Variants in PLGRKT observed in about 807,000 individuals in gnomAD.
PLGRKT encodes plasminogen receptor with a C-terminal lysine.
Under a neutral mutation model 18.5 loss-of-function variants are expected in PLGRKT, and 22 were observed. That is an observed-to-expected ratio of 1.19 (90% CI 0.85 to 1.70). The LOEUF is 1.70. Ranked by LOEUF, PLGRKT falls within the 40% of genes most tolerant of loss-of-function variation. The pLI, the probability that PLGRKT is intolerant of heterozygous loss-of-function variation, is 0.00. For synonymous variants in PLGRKT, 72 were observed against 52.8 expected (o/e 1.36, Z -1.58); for missense variants, 235 against 174.4 (o/e 1.35, Z -1.96).
chr9:5,422,100 G>A (rs774299117), intron 3 of PLGRKT, among the ~76,000 whole-genome samples: 12 of 152,104 alleles, frequency 7.9e-5, no homozygotes, highest in Non-Finnish European at 1.8e-4. Context: ...TCCACACAAC[G>A]AATGTCAAAG....
chr9:5,383,494 T>A (rs983192077), intron 3 of PLGRKT, among the ~76,000 whole-genome samples: 2 of 152,194 alleles, frequency 1.3e-5, no homozygotes, highest in Non-Finnish European at 2.9e-5. Context: ...TGCATTATAT[T>A]TATGGTGTAC....
At chr9:5,424,720 C>A (rs867850554) in intron 3 of PLGRKT, among the ~76,000 whole-genome samples, 4 of 115,618 alleles carry the variant, frequency 3.5e-5, no homozygotes, top group Middle Eastern at 0.01. Context: ...GAGGGAGAGA[C>A]AGAGAGAGAG....
At chr9:5,423,681 G>T (rs917675940) in intron 3 of PLGRKT, among the ~76,000 whole-genome samples, 2 of 151,582 alleles carry the variant, frequency 1.3e-5, no homozygotes, top group Admixed American at 1.3e-4. Flanking sequence ...AAGAAATTCA[G>T]ATGGGAAATT....
At chr9:5,371,444 GAAT>G (rs904568031) in intron 3 of PLGRKT, among the ~76,000 whole-genome samples, 15 of 152,150 alleles carry the variant, frequency 9.9e-5, no homozygotes, top group African/African-American at 3.6e-4. Context: ...TCATGACAGC[GAAT>G]AACTCTCACG....
Position 5,435,966 on chromosome 9 carries a change from T to G in PLGRKT, c.-7+603A>C, listed in dbSNP as rs78324236. On this transcript the variant is annotated intron_variant, in intron 2 of 5. Transcript: ENST00000223864. ...GGATACACCTGGAGTTTCAGGGCTCTGTGCCAGAGTCAGCTTCAAAGCTGA... is the reference window on the plus strand; with the variant it reads ...GGATACACCTGGAGTTTCAGGGCTCGGTGCCAGAGTCAGCTTCAAAGCTGA... 3.3e-3 allele frequency among the ~76,000 whole-genome samples: 498 copies of G among 152,374 alleles called. 1 individual carries two copies. Among genetic ancestry groups the G allele is most frequent in the Non-Finnish European group, 4.9e-3 (336 of 68,028 alleles).
chr9:5,396,631 G>A (rs1196593089), intron 3 of PLGRKT, among the ~76,000 whole-genome samples: 1 of 151,962 alleles, frequency 6.6e-6, no homozygotes, highest in Non-Finnish European at 1.5e-5. Flanking sequence ...TTTCACATAT[G>A]AAAAGTTAGT....
intron 3 of PLGRKT, among the ~76,000 whole-genome samples, chr9:5,408,369 G>C (rs770142558): frequency 1.2e-4 from 19 of 152,308 alleles, no homozygotes; most frequent in Non-Finnish European, 2.6e-4. Flanking sequence ...TTAAGCTTTA[G>C]CAAAGAGCCT....
At chr9:5,410,498 CAAAA>C (rs59551404) in intron 3 of PLGRKT, among the ~76,000 whole-genome samples, 2 of 122,012 alleles carry the variant, frequency 1.6e-5, no homozygotes, top group Non-Finnish European at 1.8e-5. Context: ...GACTCTGTCT[CAAAA>C]AAAAAAAAAA....
chr9:5,360,488 C>T (rs1817239512), intron 5 of PLGRKT, among the ~76,000 whole-genome samples: 1 of 152,038 alleles, frequency 6.6e-6, no homozygotes, highest in Admixed American at 6.5e-5. Context: ...GGTGGCCAGC[C>T]TCAGGCCATC....
chr9:5,415,328 T>C (rs1818440123), intron 3 of PLGRKT, among the ~76,000 whole-genome samples: 1 of 152,020 alleles, frequency 6.6e-6, no homozygotes, highest in African/African-American at 2.4e-5. Flanking sequence ...ATATAAATAA[T>C]TGGATAAATA....
Position 5,361,837 on chromosome 9 carries a change from T to C in PLGRKT, c.133A>G (p.Met45Val). ...QSEMRERQMAMQIAWSREFLK... is the reference protein window; with the variant it reads ...QSEMRERQMAVQIAWSREFLK... ...AATTCCCGAGACCACGCAATCTGCA[T>C]GGCCATTTGTCTTTCCCTCATTTCA... Residue 45 changes from methionine to valine, a missense_variant, in exon 4 of 6, where the codon ATG becomes GTG. Met to Val is a conservative substitution (Grantham distance 21, BLOSUM62 1). Transcript: ENST00000223864. 6.2e-7 allele frequency: 1 copy of C among 1,613,270 alleles called. No individual in the cohort carries two copies. Among genetic ancestry groups the C allele is most frequent in the East Asian group, 2.2e-5 (1 of 44,848 alleles).
intron 3 of PLGRKT, among the ~76,000 whole-genome samples, chr9:5,412,041 A>T (rs181135222): frequency 6.6e-6 from 1 of 152,350 alleles, no homozygotes; most frequent in East Asian, 1.9e-4. Context: ...AGTAGCCTCA[A>T]CAAGCATTAA....
chr9:5,397,085 T>G (rs1278394511), intron 3 of PLGRKT, among the ~76,000 whole-genome samples: 2 of 152,046 alleles, frequency 1.3e-5, no homozygotes, highest in Admixed American at 6.5e-5. Flanking sequence ...TAAATTTTGA[T>G]GCTGGAAGCA....
At chr9:5,360,763 T>G (rs1817244879) in intron 5 of PLGRKT, among the ~76,000 whole-genome samples, 1 of 152,262 alleles carries the variant, frequency 6.6e-6, no homozygotes, top group Admixed American at 6.5e-5. Flanking sequence ...TTATTACCTT[T>G]GTTTTAAACA....
At chr9:5,404,919 C>T (rs1215385542) in intron 3 of PLGRKT, among the ~76,000 whole-genome samples, 1 of 152,168 alleles carries the variant, frequency 6.6e-6, no homozygotes, top group Non-Finnish European at 1.5e-5. Flanking sequence ...TGATAAGCAA[C>T]TTCAGCAAAG....
intron 3 of PLGRKT, among the ~76,000 whole-genome samples, chr9:5,399,274 C>G (rs142282965): frequency 6.6e-6 from 1 of 151,728 alleles, no homozygotes; most frequent in Non-Finnish European, 1.5e-5. Flanking sequence ...ATTCATAGAC[C>G]AGCCAAAAAA....
intron 3 of PLGRKT, among the ~76,000 whole-genome samples, chr9:5,399,640 A>G (rs1275837004): frequency 1.3e-5 from 2 of 151,842 alleles, no homozygotes; most frequent in Non-Finnish European, 2.9e-5. Context: ...TAAGTATACT[A>G]ATGTCTTTGA....
At chr9:5,432,827 G>A (rs1282387704) in intron 2 of PLGRKT, among the ~76,000 whole-genome samples, 2 of 152,168 alleles carry the variant, frequency 1.3e-5, no homozygotes, top group African/African-American at 4.8e-5. Context: ...GAGTGCAGTG[G>A]CGTGATCTCG....
chr9:5,361,942 A>C (rs1586697214), intron 3 of PLGRKT, 54 bp from the exon 4 acceptor site: 1 of 1,505,412 alleles, frequency 6.6e-7, no homozygotes, highest in African/African-American at 1.4e-5. Flanking sequence ...AATCTGAACA[A>C]ATAGTTAATA....
Sources: allele counts gnomAD v4.1 joint callset (sites outside exome capture counted in the v4.1 genomes callset), GRCh38; gene constraint gnomAD v4.1.1; transcripts MANE v1.5; gene names NCBI Gene and HGNC (gene_info 2026-07-23, HGNC 2026-07-21).